Variants in XIRP2 observed in about 807,000 individuals in gnomAD.
The protein encoded by XIRP2 is xin actin-binding repeat-containing protein 2.
In XIRP2, 236 loss-of-function variants were observed where a neutral mutation model predicts 277.0. The ratio of observed to expected loss-of-function variants is 0.85; its 90% CI spans 0.77 to 0.95. The LOEUF (loss-of-function observed/expected upper bound fraction) is 0.95. Among genes scored for constraint, XIRP2 ranks in the 40% least tolerant of loss-of-function variants. The pLI is 0.00. For synonymous variants in XIRP2, 1,490 were observed against 1,416.5 expected, an observed-to-expected ratio of 1.05 and a Z score of -1.17; for missense variants, 4,640 against 4,157.5, an observed-to-expected ratio of 1.12 and a Z score of -3.19.
chr2:166,908,951 G>C (rs1313538505), intron 2 of XIRP2, among the ~76,000 whole-genome samples: 4 of 151,986 alleles, frequency 2.6e-5, no homozygotes, highest in East Asian at 3.9e-4. Context: ...ATTTCTGAGG[G>C]CTCTGTTCTG....
At chr2:167,199,898 G>C (rs573490411) in intron 3 of XIRP2, among the ~76,000 whole-genome samples, 2 of 152,050 alleles carry the variant, frequency 1.3e-5, no homozygotes, top group South Asian at 4.1e-4. Context: ...CAAATGAAGC[G>C]GTAGGAATGA....
chr2:166,942,025 T>G (rs1178536264), intron 2 of XIRP2, among the ~76,000 whole-genome samples: 1 of 152,234 alleles, frequency 6.6e-6, no homozygotes, highest in Non-Finnish European at 1.5e-5. Context: ...ATTCTGCCAT[T>G]TTCCAGAATA....
intron 2 of XIRP2, among the ~76,000 whole-genome samples, chr2:167,031,602 C>A (rs1453336190): frequency 6.6e-6 from 1 of 152,120 alleles, no homozygotes; most frequent in Non-Finnish European, 1.5e-5. Context: ...GCATTTTCAG[C>A]AAAGTTTCAG....
intron 2 of XIRP2, among the ~76,000 whole-genome samples, chr2:167,042,860 C>T (rs925485900): frequency 2.0e-5 from 3 of 152,106 alleles, no homozygotes; most frequent in African/African-American, 7.2e-5. Flanking sequence ...CCGAACAGAC[C>T]TATCAGACAT....
intron 3 of XIRP2, among the ~76,000 whole-genome samples, chr2:167,181,564 C>A (rs1382471613): frequency 6.6e-6 from 1 of 150,878 alleles, no homozygotes; most frequent in East Asian, 1.9e-4. Flanking sequence ...TGACAAGAAG[C>A]CTATCAAGAA....
At chr2:166,974,380 A>G (rs573216593) in intron 2 of XIRP2, among the ~76,000 whole-genome samples, 65 of 152,276 alleles carry the variant, frequency 4.3e-4, no homozygotes, top group Non-Finnish European at 6.9e-4. Flanking sequence ...AATATAGAAC[A>G]CTACTATTTT....
At chr2:166,898,609 T>A (rs543046729) in intron 1 of XIRP2, among the ~76,000 whole-genome samples, 10 of 152,116 alleles carry the variant, frequency 6.6e-5, no homozygotes, top group Non-Finnish European at 1.5e-4. Context: ...ATAACTATAG[T>A]ACATTATAAA....
intron 3 of XIRP2, among the ~76,000 whole-genome samples, chr2:167,186,366 T>C (rs1372881878): frequency 2.0e-5 from 3 of 152,208 alleles, no homozygotes; most frequent in Non-Finnish European, 4.4e-5. Flanking sequence ...TATTAGTAAG[T>C]ATTATAGTAA....
At chr2:167,041,944 G>A (rs1389195506) in intron 2 of XIRP2, among the ~76,000 whole-genome samples, 1 of 152,150 alleles carries the variant, frequency 6.6e-6, no homozygotes, top group East Asian at 1.9e-4. Flanking sequence ...GAGAGGGAAG[G>A]GGCATGTCAC....
chr2:167,161,649 A>C (rs1692368100), intron 3 of XIRP2, among the ~76,000 whole-genome samples: 1 of 152,218 alleles, frequency 6.6e-6, no homozygotes, highest in Admixed American at 6.5e-5. Flanking sequence ...CCCAGCCCCA[A>C]GAAACCACTT....
chr2:166,963,756 G>C (rs1476646893), intron 2 of XIRP2, among the ~76,000 whole-genome samples: 1 of 151,840 alleles, frequency 6.6e-6, no homozygotes, highest in Non-Finnish European at 1.5e-5. Flanking sequence ...AATGAAGTCA[G>C]AGAGGTAAGC....
intron 3 of XIRP2, among the ~76,000 whole-genome samples, chr2:167,171,793 A>C (rs1185489405): frequency 6.6e-6 from 1 of 152,154 alleles, no homozygotes; most frequent in Non-Finnish European, 1.5e-5. Context: ...CTTTTTAATC[A>C]CTGTGGCATG....
intron 5 of XIRP2, among the ~76,000 whole-genome samples, chr2:167,223,353 C>T (rs1220444890): frequency 6.6e-6 from 1 of 152,146 alleles, no homozygotes; most frequent in Non-Finnish European, 1.5e-5. Flanking sequence ...AAAAAGCATT[C>T]CTGACCTTTG....
intron 2 of XIRP2, among the ~76,000 whole-genome samples, chr2:167,070,329 CCT>C (rs1689407009): frequency 6.6e-6 from 1 of 151,956 alleles, no homozygotes; most frequent in Admixed American, 6.6e-5. Flanking sequence ...CAATCTTTGT[CCT>C]CTCTTTCTAT....
intron 2 of XIRP2, among the ~76,000 whole-genome samples, chr2:166,911,830 G>C (rs1411190997): frequency 1.3e-5 from 2 of 152,124 alleles, no homozygotes; most frequent in South Asian, 2.1e-4. Context: ...CTCAGCATTT[G>C]CTTGTCTGTA....
At chr2:167,039,887 A>G (rs912720684) in intron 2 of XIRP2, among the ~76,000 whole-genome samples, 8 of 152,252 alleles carry the variant, frequency 5.3e-5, no homozygotes, top group African/African-American at 1.9e-4. Context: ...ATAATTTTAC[A>G]TATAGGTAAA....
intron 2 of XIRP2, among the ~76,000 whole-genome samples, chr2:167,075,834 G>A (rs1689552506): frequency 6.8e-6 from 1 of 147,374 alleles, no homozygotes; most frequent in Non-Finnish European, 1.5e-5. Flanking sequence ...TGTATTTTTA[G>A]TATTGATGGG....
At chr2:167,170,922 CAG>C (rs1348852536) in intron 3 of XIRP2, among the ~76,000 whole-genome samples, 1 of 103,394 alleles carries the variant, frequency 9.7e-6, no homozygotes, top group Non-Finnish European at 1.8e-5. Flanking sequence ...TTTTTTGAGA[CAG>C]AGTCTTTCTC....
chr2:167,220,681 G>A (rs918062767), intron 5 of XIRP2, among the ~76,000 whole-genome samples: 1 of 152,138 alleles, frequency 6.6e-6, no homozygotes, highest in Non-Finnish European at 1.5e-5. Flanking sequence ...CATCTTGTTG[G>A]CTCCGAATGG....
Sources: allele counts gnomAD v4.1 joint callset (sites outside exome capture counted in the v4.1 genomes callset), GRCh38; gene constraint gnomAD v4.1.1; transcripts MANE v1.5; gene names NCBI Gene and HGNC (gene_info 2026-07-23, HGNC 2026-07-21).